The following SCML4 variants were observed in gnomAD, a reference collection of about 807,000 sequenced individuals.
SCML4 encodes the protein sex comb on midleg-like protein 4.
SCML4 carries 34 observed loss-of-function variants against 41.1 expected under a neutral mutation model. The ratio of observed to expected loss-of-function variants is 0.83; its 90% CI spans 0.63 to 1.10. The LOEUF is 1.10. Among genes scored for constraint, SCML4 ranks in the 50% least tolerant of loss-of-function variants. SCML4 has a pLI of 0.00. For synonymous variants in SCML4, 214 were observed against 220.9 expected, an observed-to-expected ratio of 0.97 and a Z score of 0.28; for missense variants, 522 against 534.1, an observed-to-expected ratio of 0.98 and a Z score of 0.22.
intron 2 of SCML4, among the ~76,000 whole-genome samples, chr6:107,761,114 G>T (rs1416132591): frequency 1.3e-5 from 2 of 152,116 alleles, no homozygotes; most frequent in Non-Finnish European, 2.9e-5. Context: ...GAGAATATGA[G>T]AAGTTTGAAA....
In SCML4 at chr6:107,703,415, C is replaced by T. The variant is rs1773332742; in HGVS notation, c.*1785G>A. ...AAGTTTAGTACATTCTCCTCCTCCC[C>T]TTCTCTGCCATGCTCTCAGTCCAGC... On this transcript the variant is annotated 3_prime_UTR_variant, in exon 8 of 8. Transcript: ENST00000369020. Among the ~76,000 whole-genome samples, 1 of 152,220 alleles carries T rather than the reference C, an allele frequency of 6.6e-6. No individual in the cohort carries two copies. The highest frequency in any genetic ancestry group is 1.5e-5 in the Non-Finnish European group (1 of 68,048).
At chr6:107,706,184 C>A (rs1218913718) in intron 7 of SCML4, among the ~76,000 whole-genome samples, 1 of 152,198 alleles carries the variant, frequency 6.6e-6, no homozygotes, top group Non-Finnish European at 1.5e-5. Context: ...CTGTGTCACT[C>A]TCCATGTCTT....
At chr6:107,820,023 TTC>T (rs1187179982) in intron 1 of SCML4, among the ~76,000 whole-genome samples, 1 of 152,240 alleles carries the variant, frequency 6.6e-6, no homozygotes, top group Non-Finnish European at 1.5e-5. Flanking sequence ...AGCAAAGGGC[TTC>T]TCCTGATTGC....
upstream of SCML4, among the ~76,000 whole-genome samples, chr6:107,826,625 T>C (rs996964428): frequency 7.2e-5 from 11 of 152,248 alleles, no homozygotes; most frequent in Admixed American, 5.2e-4. Context: ...TGTGAGGGTT[T>C]CTCACTCTGA....
chr6:107,814,799 G>A (rs765415804), intron 1 of SCML4, among the ~76,000 whole-genome samples: 2 of 152,094 alleles, frequency 1.3e-5, no homozygotes, highest in African/African-American at 2.4e-5. Flanking sequence ...GTGATCCACC[G>A]CCTTCGGCCT....
intron 1 of SCML4, among the ~76,000 whole-genome samples, chr6:107,778,742 G>A (rs1051682793): frequency 6.6e-5 from 10 of 152,170 alleles, no homozygotes; most frequent in Admixed American, 6.5e-4. Flanking sequence ...CCAATCCCAT[G>A]GAGCCACTGG....
intron 5 of SCML4, among the ~76,000 whole-genome samples, chr6:107,736,436 T>C (rs906102353): frequency 6.6e-6 from 1 of 152,034 alleles, no homozygotes; most frequent in Non-Finnish European, 1.5e-5. Context: ...AGGAAAAACT[T>C]GGAGAGGAAA....
chr6:107,746,673 C>G lies in SCML4; in HGVS notation c.487+16G>C. The G allele has an allele frequency of 6.2e-7, 1 of 1,610,646 alleles. No homozygotes were observed. The highest frequency in any genetic ancestry group is 2.2e-5 in the East Asian group (1 of 44,812). On this transcript the variant is annotated intron_variant, in intron 4 of 7. Coordinates refer to ENST00000369020, the MANE Select transcript of SCML4 (RefSeq NM_198081.5). ...GACATCCATGGCCTCCTCATGCAAC[C>G]TGCCCCAGGCCTTACCTGACACCAT...
At chr6:107,802,708 T>C (rs1179125849) in intron 1 of SCML4, among the ~76,000 whole-genome samples, 1 of 117,416 alleles carries the variant, frequency 8.5e-6, no homozygotes, top group Non-Finnish European at 1.6e-5. Flanking sequence ...TCCCTCTCCC[T>C]CCTCTCCCTC....
intron 5 of SCML4, among the ~76,000 whole-genome samples, chr6:107,737,785 T>C (rs1176888441): frequency 6.6e-6 from 1 of 152,176 alleles, no homozygotes; most frequent in East Asian, 1.9e-4. Flanking sequence ...AATTACATAA[T>C]GGGTACAATG....
At chr6:107,708,690 C>T (rs1282031662) in intron 6 of SCML4, among the ~76,000 whole-genome samples, 1 of 152,146 alleles carries the variant, frequency 6.6e-6, no homozygotes, top group African/African-American at 2.4e-5. Context: ...CCGGGTCTCC[C>T]CCACTGCACT....
intron 1 of SCML4, among the ~76,000 whole-genome samples, chr6:107,806,211 A>C (rs1562277800): frequency 1.3e-5 from 2 of 149,908 alleles, no homozygotes; most frequent in Admixed American, 6.6e-5. Flanking sequence ...AACAATGAGC[A>C]AGGGCTCAGC....
At chr6:107,825,887 A>T (rs1250782098), upstream of SCML4, among the ~76,000 whole-genome samples, 1 of 142,636 alleles carries the variant, frequency 7.0e-6, no homozygotes, top group Non-Finnish European at 1.5e-5. Flanking sequence ...CAGTGAGCCG[A>T]TACCGTGCCA....
rs1370089181 is a variant in SCML4, at chr6:107,764,239, G to A, written c.156+7933C>T. Among the ~76,000 whole-genome samples, 3 of 152,188 alleles carry A rather than the reference G, an allele frequency of 2.0e-5. No homozygotes were observed. In the East Asian group the frequency reaches 5.8e-4, roughly 29 times the overall value. The stretch of plus-strand genomic sequence containing the variant: ...GTACATTTTTCCTTCTGCACTTGGG[G>A]GAGATGTTAAACACCCAAGAGATGG... On this transcript the variant is annotated intron_variant, in intron 2 of 7. Transcript: ENST00000369020.
chr6:107,720,908 G>T lies in SCML4; in HGVS notation c.768C>A (p.Asn256Lys). 1 of 1,614,210 alleles carries T rather than the reference G, an allele frequency of 6.2e-7. No individual in the cohort carries two copies. Among genetic ancestry groups the T allele is most frequent in the Admixed American group, 1.7e-5 (1 of 60,026 alleles). ...AGGAGGGGTGCAAGGAGCCCCTGTG[G>T]TTAAAGGTGGAGGCGGAGGTGTCCA... is the stretch of plus-strand genomic sequence containing the variant. The part of the protein sequence containing the change: ...YSVDTSASTF[N>K]HRGSLHPSSS... The change falls in exon 6 of 8, where the codon AAC becomes AAA. Residue 256 changes from asparagine (N) to lysine (K), a missense_variant. Coordinates refer to ENST00000369020, the MANE Select transcript of SCML4 (RefSeq NM_198081.5).
At chr6:107,722,425 G>A (rs1775522971) in intron 5 of SCML4, among the ~76,000 whole-genome samples, 1 of 152,008 alleles carries the variant, frequency 6.6e-6, no homozygotes, top group Non-Finnish European at 1.5e-5. Flanking sequence ...AACTATTCTA[G>A]TCCCTCCCAC....
chr6:107,709,509 G>A (rs1057253326), intron 6 of SCML4, among the ~76,000 whole-genome samples: 7 of 152,186 alleles, frequency 4.6e-5, no homozygotes, highest in African/African-American at 1.7e-4. Flanking sequence ...CCACCTGTCT[G>A]TCTGGGTACA....
At chr6:107,793,801 T>C (rs1400058255) in intron 1 of SCML4, among the ~76,000 whole-genome samples, 1 of 151,900 alleles carries the variant, frequency 6.6e-6, no homozygotes, top group African/African-American at 2.4e-5. Context: ...ACAAAATAGC[T>C]GGGTATAGTG....
At chr6:107,711,234 G>A (rs1392189834) in intron 6 of SCML4, among the ~76,000 whole-genome samples, 1 of 152,176 alleles carries the variant, frequency 6.6e-6, no homozygotes, top group Non-Finnish European at 1.5e-5. Context: ...TGTACCAGGT[G>A]CTAGGTGAAG....
Sources: gnomAD v4.1 joint callset for allele counts (sites outside exome capture counted in the v4.1 genomes callset) on GRCh38, gnomAD v4.1.1 for gene constraint, MANE v1.5 for transcripts, NCBI Gene and HGNC (gene_info 2026-07-23, HGNC 2026-07-21) for gene names.